Variants in ZNF562 observed in about 807,000 individuals in gnomAD.
ZNF562 encodes zinc finger protein 562.
ZNF562 carries 13 observed loss-of-function variants against 17.5 expected under a neutral mutation model. The ratio of observed to expected loss-of-function variants is 0.74; its 90% CI spans 0.48 to 1.18. ZNF562 has a LOEUF of 1.18. ZNF562 is among the 50% of genes most tolerant of loss of function. The pLI, the probability that ZNF562 is intolerant of heterozygous loss-of-function variation, is 0.00. For missense variants in ZNF562, 481 were observed against 498.5 expected (o/e 0.96, Z 0.33); for synonymous variants, 163 against 165.4 (o/e 0.99, Z 0.11).
At position 9,643,924 on chromosome 19, in the gene ZNF562, G is replaced by C. The variant is rs1393057955; in HGVS notation, c.*9025C>G. ...GTAACCTCCTGCCTCAGCCTCCCGA[G>C]TAGCTAGGAATACATGCACATGCCA... On this transcript the variant is annotated 3_prime_UTR_variant, in exon 6 of 6. Transcript: ENST00000453372. 6.6e-6 allele frequency: 1 copy of C among 151,804 alleles called. No individual in the cohort carries two copies. Among genetic ancestry groups the C allele is most frequent in the Non-Finnish European group, 1.5e-5 (1 of 67,980 alleles). 9.4% of individuals were successfully genotyped at this position (151,804 alleles called of 1,614,324 possible).
In ZNF562 at chr19:9,653,793, G is replaced by C. The variant is rs745613325; in HGVS notation, c.437C>G (p.Ala146Gly). The change falls in exon 6 of 6, where the codon GCT (alanine) becomes GGT (glycine). Residue 146 changes from alanine to glycine, a missense_variant. Coordinates refer to ENST00000453372, the MANE Select transcript of ZNF562 (RefSeq NM_001130031.2). ...EQFCLKTHMR[A>G]QNGGNTFEGN... Reference sequence around the variant, plus strand: ...CTCAAAAGTGTTCCCTCCATTCTGAGCTCTCATGTGTGTCTTAAGGCAAAA... The same window carrying C: ...CTCAAAAGTGTTCCCTCCATTCTGACCTCTCATGTGTGTCTTAAGGCAAAA... 5 of 1,613,774 alleles carry C rather than the reference G, an allele frequency of 3.1e-6. No individual in the cohort carries two copies. In the African/African-American group the frequency reaches 6.7e-5, roughly 22 times the overall value.
chr19:9,656,871 A>AAAGTATATAT (rs376933513), intron 4 of ZNF562, among the ~76,000 whole-genome samples: 1 of 142,436 alleles, frequency 7.0e-6, no homozygotes, highest in African/African-American at 2.6e-5. Context: ...AAAATACAAA[A>AAAGTATATAT]ATATATATAT....
At chr19:9,655,268 T>G (rs1334470179) in intron 5 of ZNF562, among the ~76,000 whole-genome samples, 2 of 151,152 alleles carry the variant, frequency 1.3e-5, no homozygotes, top group African/African-American at 4.9e-5. Context: ...GGATTGCAGG[T>G]GTCAGCCATT....
chr19:9,655,999 T>C (rs762330465), intron 5 of ZNF562, among the ~76,000 whole-genome samples: 3 of 152,002 alleles, frequency 2.0e-5, no homozygotes, highest in Admixed American at 1.3e-4. Flanking sequence ...TCCTAAAGTG[T>C]TGGGATTACA....
At chr19:9,658,530 A>C (rs1267858227) in intron 3 of ZNF562, among the ~76,000 whole-genome samples, 1 of 151,952 alleles carries the variant, frequency 6.6e-6, no homozygotes. Context: ...TTGTATTTTT[A>C]GTAGAAAAGG....
rs972044178 is a variant in ZNF562, at chr19:9,659,442, A to G, written c.51T>C (p.Cys17=). Residue 17 remains cysteine, a synonymous_variant, in exon 3 of 6, where the codon TGT becomes TGC. Transcript: ENST00000453372. ...CTATCTTTGTCTTTTCTTCAAAAGGACAGATTGGTTCCCTGGGAAAAAACC... is the reference window on the plus strand; with the variant it reads ...CTATCTTTGTCTTTTCTTCAAAAGGGCAGATTGGTTCCCTGGGAAAAAACC... The part of the protein sequence containing the change: ...SHGFFPREPI[C]PFEEKTKIGT... The G allele has an allele frequency of 1.4e-5, 21 of 1,551,296 alleles. No homozygotes were observed. In the African/African-American group the frequency reaches 1.6e-4, roughly 12 times the overall value.
chr19:9,660,911 A>C, intron 1 of ZNF562, 37 bp from the exon 2 acceptor site: 1 of 568,884 alleles, frequency 1.8e-6, no homozygotes, highest in East Asian at 2.9e-5. Context: ...AGCATCAAAC[A>C]TCAGTCATTG....
At chr19:9,654,148 A>G (rs1424864415) in intron 5 of ZNF562, among the ~76,000 whole-genome samples, 1 of 151,838 alleles carries the variant, frequency 6.6e-6, no homozygotes, top group African/African-American at 2.4e-5. Flanking sequence ...GCACTACTGC[A>G]CTGGGGAGTT....
At chr19:9,665,194 C>T (rs1372811504) in intron 1 of ZNF562, among the ~76,000 whole-genome samples, 2 of 150,174 alleles carry the variant, frequency 1.3e-5, no homozygotes, top group Non-Finnish European at 3.0e-5. Context: ...TGCACTCCAG[C>T]CTGGGGACAG....
Position 9,649,735 on chromosome 19 carries a change from C to T in ZNF562, c.*3214G>A, listed in dbSNP as rs1191827307. On this transcript the variant is annotated 3_prime_UTR_variant, in exon 6 of 6. Coordinates refer to ENST00000453372, the MANE Select transcript of ZNF562 (RefSeq NM_001130031.2). ...ACAATGGTGCCCAAAACTTCATTAG[C>T]AATTTTAATTTCACCTTGGTCCTGT... The T allele has an allele frequency of 5.3e-5, 8 of 152,206 alleles. No homozygotes were observed. Among genetic ancestry groups the T allele is most frequent in the African/African-American group, 1.2e-4 (5 of 41,446 alleles). 9.4% of individuals were successfully genotyped at this position (152,206 alleles called of 1,614,324 possible). A position where few individuals can be genotyped will look rare whatever the true frequency, so the allele number is the denominator to read the frequency against.
At chr19:9,670,947 C>A (rs537569739) in intron 1 of ZNF562, among the ~76,000 whole-genome samples, 22 of 151,250 alleles carry the variant, frequency 1.5e-4, no homozygotes, top group Admixed American at 1.1e-3. Flanking sequence ...TTGCAGTGAG[C>A]CAAGATCATG....
chr19:9,659,550 T>C, intron 2 of ZNF562, 83 bp from the exon 3 acceptor site: 1 of 1,486,568 alleles, frequency 6.7e-7, no homozygotes, highest in South Asian at 1.3e-5. Context: ...AGCTTGAAAT[T>C]CCCATATGCT....
At chr19:9,660,066 G>A (rs575408833) in intron 2 of ZNF562, among the ~76,000 whole-genome samples, 1 of 133,136 alleles carries the variant, frequency 7.5e-6, no homozygotes, top group East Asian at 2.3e-4. Context: ...TTCAGCCTGG[G>A]TGACAGAGTG....
intron 5 of ZNF562, 98 bp downstream of exon 5, chr19:9,656,449 C>A (rs143215188): frequency 2.2e-6 from 3 of 1,333,382 alleles, no homozygotes; most frequent in Admixed American, 3.6e-5. Flanking sequence ...TTGGAGGTTG[C>A]GGTGAGCTGA....
chr19:9,671,131 G>A (rs1244866881), intron 1 of ZNF562, among the ~76,000 whole-genome samples: 1 of 152,014 alleles, frequency 6.6e-6, no homozygotes, highest in Admixed American at 6.6e-5. Context: ...ACAGCTAAGA[G>A]AATAACGATG....
chr19:9,667,589 T>C (rs557555101), intron 1 of ZNF562, among the ~76,000 whole-genome samples: 67 of 152,282 alleles, frequency 4.4e-4, no homozygotes, highest in African/African-American at 1.5e-3. Context: ...TGTTTGCCAA[T>C]GACATGACCT....
chr19:9,673,693 C>T (rs116659083), intron 1 of ZNF562, among the ~76,000 whole-genome samples: 3,602 of 152,176 alleles, frequency 0.024, 134 homozygotes, highest in African/African-American at 0.079. Context: ...AGTCTACACG[C>T]GTTCATATTT....
rs957515984 is a variant in ZNF562, at chr19:9,646,594, CAAGCA to C, written c.*6350_*6354del. The C allele has an allele frequency of 5.9e-5, 9 of 152,070 alleles. No individual in the cohort carries two copies. Among genetic ancestry groups the C allele is most frequent in the Admixed American group, 5.9e-4 (9 of 15,260 alleles). 9.4% of individuals were successfully genotyped at this position (152,070 alleles called of 1,614,324 possible). A position where few individuals can be genotyped will look rare whatever the true frequency, so the allele number is the denominator to read the frequency against. ...TGGGTACTCTCTACCAAGATTAACA[CAAGCA>C]AAGGGAAAGAATGCACAATTAATAA... On this transcript the variant is annotated 3_prime_UTR_variant, in exon 6 of 6. Coordinates refer to ENST00000453372, the MANE Select transcript of ZNF562 (RefSeq NM_001130031.2).
intron 4 of ZNF562, among the ~76,000 whole-genome samples, chr19:9,657,262 CTT>C (rs2144982063): frequency 6.6e-6 from 1 of 150,742 alleles, no homozygotes; most frequent in African/African-American, 2.4e-5. Flanking sequence ...AAATGATAAA[CTT>C]AACAAAAAAA....
Sources: allele counts gnomAD v4.1 joint callset (sites outside exome capture counted in the v4.1 genomes callset), GRCh38; gene constraint gnomAD v4.1.1; transcripts MANE v1.5; gene names NCBI Gene and HGNC (gene_info 2026-07-23, HGNC 2026-07-21).